UNC79: variants seen among roughly 807,000 people sequenced by gnomAD.
UNC79 encodes unc-79 subunit of NALCN channel complex.
UNC79 carries 37 observed loss-of-function variants against 283.1 expected under a neutral mutation model. The observed-to-expected ratio is 0.13, with a 90% confidence interval of 0.10 to 0.17. The LOEUF (loss-of-function observed/expected upper bound fraction) is 0.17. Among genes scored for constraint, UNC79 ranks in the 10% least tolerant of loss-of-function variants. The pLI is 1.00. For synonymous variants in UNC79, 1,107 were observed against 1,200.2 expected (o/e 0.92, Z 1.61); for missense variants, 2,272 against 3,211.1 (o/e 0.71, Z 7.07).
chr14:93,419,574 A>G (rs1490563050), intron 1 of UNC79, among the ~76,000 whole-genome samples: 1 of 151,862 alleles, frequency 6.6e-6, no homozygotes, highest in Non-Finnish European at 1.5e-5. Flanking sequence ...GCAAAAAGTT[A>G]AAAAGCAGGG....
At chr14:93,357,676 CATATATATATATATAT>C (rs60284787) in intron 1 of UNC79, among the ~76,000 whole-genome samples, 359 of 32,368 alleles carry the variant, frequency 0.011, 12 homozygotes, top group African/African-American at 0.029. Flanking sequence ...AATAAACTCC[CATATATATATATATAT>C]ATATATATAT....
intron 1 of UNC79, among the ~76,000 whole-genome samples, chr14:93,342,549 C>G (rs1197635422): frequency 6.6e-6 from 1 of 152,210 alleles, no homozygotes; most frequent in African/African-American, 2.4e-5. Context: ...GACATTTGGC[C>G]TCTCTTTACT....
At chr14:93,569,910 A>C (rs1417599723) in intron 14 of UNC79, among the ~76,000 whole-genome samples, 1 of 152,184 alleles carries the variant, frequency 6.6e-6, no homozygotes, top group Non-Finnish European at 1.5e-5. Flanking sequence ...GTAAAGACTC[A>C]GTAAAGCCAG....
intron 4 of UNC79, among the ~76,000 whole-genome samples, chr14:93,486,327 G>A (rs1270636802): frequency 2.0e-5 from 3 of 152,072 alleles, no homozygotes; most frequent in East Asian, 3.9e-4. Flanking sequence ...TTCTCCTGTG[G>A]TGGGTCCTCT....
At chr14:93,385,776 C>CAA (rs772588854) in intron 1 of UNC79, among the ~76,000 whole-genome samples, 6 of 119,446 alleles carry the variant, frequency 5.0e-5, no homozygotes, top group African/African-American at 1.6e-4. Flanking sequence ...AAGACTGTCC[C>CAA]CAAAAAAAAA....
At chr14:93,356,248 C>T (rs1022607112) in intron 1 of UNC79, among the ~76,000 whole-genome samples, 7 of 152,168 alleles carry the variant, frequency 4.6e-5, no homozygotes, top group Non-Finnish European at 1.0e-4. Context: ...GTCTCAAACT[C>T]CTGACCTCAG....
chr14:93,691,534 GT>G (rs1790880835), intron 45 of UNC79: 1 of 590,030 alleles, frequency 1.7e-6, no homozygotes, highest in African/African-American at 1.9e-5. Context: ...CTTAAAAAAT[GT>G]GCTTTGTTCT....
At chr14:93,384,528 G>GC (rs1216489895) in intron 1 of UNC79, among the ~76,000 whole-genome samples, 2 of 152,100 alleles carry the variant, frequency 1.3e-5, no homozygotes, top group East Asian at 3.9e-4. Flanking sequence ...CAGATCTTTT[G>GC]CCCATTTTAA....
intron 5 of UNC79, among the ~76,000 whole-genome samples, chr14:93,488,929 G>A (rs1240827182): frequency 6.6e-6 from 1 of 152,138 alleles, no homozygotes; most frequent in African/African-American, 2.4e-5. Context: ...GAGGGTTAGG[G>A]TTTAACATAC....
chr14:93,586,141 A>G (rs2064209665), intron 20 of UNC79, among the ~76,000 whole-genome samples: 1 of 152,128 alleles, frequency 6.6e-6, no homozygotes, highest in Admixed American at 6.5e-5. Flanking sequence ...TTGGCCTCCC[A>G]AAGTGCTGGG....
intron 1 of UNC79, among the ~76,000 whole-genome samples, chr14:93,465,942 T>C (rs184464848): frequency 3.9e-5 from 6 of 152,326 alleles, no homozygotes; most frequent in Admixed American, 1.3e-4. Flanking sequence ...TATGCATTAA[T>C]GTGGGGATTT....
intron 16 of UNC79, among the ~76,000 whole-genome samples, chr14:93,573,590 G>GTAC (rs1256018887): frequency 6.6e-6 from 1 of 152,160 alleles, no homozygotes; most frequent in Admixed American, 6.5e-5. Flanking sequence ...ACAGATACAG[G>GTAC]TACATTTCTG....
chr14:93,409,181 C>G (rs1025696120), intron 1 of UNC79, among the ~76,000 whole-genome samples: 1 of 151,986 alleles, frequency 6.6e-6, no homozygotes, highest in African/African-American at 2.4e-5. Flanking sequence ...GGAGAATCTA[C>G]AAAGTATTAG....
At chr14:93,661,863 A>G (rs1309937721) in intron 39 of UNC79, among the ~76,000 whole-genome samples, 1 of 152,242 alleles carries the variant, frequency 6.6e-6, no homozygotes, top group African/African-American at 2.4e-5. Flanking sequence ...ACAGTGAGCT[A>G]GAGTGTGAAA....
At chr14:93,367,590 G>A (rs181570690) in intron 1 of UNC79, among the ~76,000 whole-genome samples, 13 of 152,250 alleles carry the variant, frequency 8.5e-5, no homozygotes, top group Admixed American at 7.2e-4. Context: ...AAATGAAAAG[G>A]CAGAAAAGTT....
At chr14:93,338,454 C>T (rs1189009639) in intron 1 of UNC79, among the ~76,000 whole-genome samples, 1 of 152,106 alleles carries the variant, frequency 6.6e-6, no homozygotes, top group Admixed American at 6.5e-5. Context: ...TTTCTAGCAA[C>T]ACAAAAACGG....
chr14:93,459,017 A>G (rs2056868807), intron 1 of UNC79, among the ~76,000 whole-genome samples: 1 of 152,216 alleles, frequency 6.6e-6, no homozygotes, highest in African/African-American at 2.4e-5. Flanking sequence ...TCCAGAGTCA[A>G]TTAGAAGGCT....
At chr14:93,585,325 C>T (rs2064141957) in intron 20 of UNC79, among the ~76,000 whole-genome samples, 1 of 152,172 alleles carries the variant, frequency 6.6e-6, no homozygotes, top group Non-Finnish European at 1.5e-5. Flanking sequence ...TGATCTGGAG[C>T]TCTTCTGTCC....
chr14:93,578,153 A>G, intron 18 of UNC79, 90 bp downstream of exon 18: 2 of 1,222,446 alleles, frequency 1.6e-6, no homozygotes, highest in South Asian at 3.0e-5. Context: ...GGGCATCTCC[A>G]CACTTATCAA....
Sources: allele counts gnomAD v4.1 joint callset (sites outside exome capture counted in the v4.1 genomes callset), GRCh38; gene constraint gnomAD v4.1.1; transcripts MANE v1.5; gene names NCBI Gene and HGNC (gene_info 2026-07-23, HGNC 2026-07-21).